The following DSG3 variants were observed in gnomAD, a reference collection of about 807,000 sequenced individuals.
The protein encoded by DSG3 is desmoglein 3.
Under a neutral mutation model 85.9 loss-of-function variants are expected in DSG3, and 63 were observed. The ratio of observed to expected loss-of-function variants is 0.73; its 90% confidence interval spans 0.60 to 0.90. The LOEUF (loss-of-function observed/expected upper bound fraction) is 0.90, where lower values mean the gene tolerates loss of function less well. Ranked by LOEUF, DSG3 falls within the 40% of genes least tolerant of loss-of-function variation. The probability of loss-of-function intolerance (pLI) is 0.00; values close to 1 mark genes in which losing one functional copy is unlikely to be tolerated. For synonymous variants in DSG3, 447 were observed against 441.9 expected, an observed-to-expected ratio of 1.01 and a Z score of -0.14; for missense variants, 1,220 against 1,219.9, an observed-to-expected ratio of 1.00 and a Z score of 0.00.
intron 15 of DSG3, 48 bp from the exon 16 acceptor site, chr18:31,475,598 C>T (rs2072881019): frequency 2.5e-6 from 4 of 1,583,022 alleles, no homozygotes; most frequent in Non-Finnish European, 3.4e-6. Flanking sequence ...TATTGTTCAA[C>T]TGACTCTTTC....
Position 31,477,799 on chromosome 18 carries a change from A to G in DSG3, c.*1539A>G, listed in dbSNP as rs1473453272. The G allele has an allele frequency of 1.3e-5, 2 of 152,216 alleles. No individual in the cohort carries two copies. The highest frequency in any genetic ancestry group is 2.4e-5 in the African/African-American group (1 of 41,452). The allele number at this position is 152,216 out of a possible 1,614,324, so 9.4% of individuals were successfully genotyped here. ...AGCACCCTACCTCACCTGCTTACTG[A>G]CATTGTCTTAGCTGATCACAAGATC... On this transcript the variant is annotated 3_prime_UTR_variant, in exon 16 of 16. Transcript: ENST00000257189.
intron 12 of DSG3, 136 bp from the exon 13 acceptor site, chr18:31,472,148 A>ATTTTGGT: frequency 8.3e-7 from 1 of 1,202,718 alleles, no homozygotes; most frequent in Non-Finnish European, 1.2e-6. Flanking sequence ...GTAGAAACTA[A>ATTTTGGT]TTTTGGTTTT....
At chr18:31,458,630 C>T (rs766702592) in intron 4 of DSG3, 30 bp downstream of exon 4, 9 of 1,599,072 alleles carry the variant, frequency 5.6e-6, no homozygotes, top group Non-Finnish European at 6.8e-6. Flanking sequence ...ATTGGGCTAC[C>T]CTTCTCCTTG....
rs139792146 is a variant in DSG3, at chr18:31,461,955, A to G, written c.999+543A>G. Among the ~76,000 whole-genome samples the G allele has an allele frequency of 1.2e-3, 184 of 152,368 alleles. 1 individual carries two copies. The highest frequency in any genetic ancestry group is 4.3e-3 in the African/African-American group (178 of 41,580). ...AGCTTTTAATATGCTTGGCTATGACAGACTCCTTATCTGAGAGTGTGATCT... is the reference window on the plus strand; with the variant it reads ...AGCTTTTAATATGCTTGGCTATGACGGACTCCTTATCTGAGAGTGTGATCT... On this transcript the variant is annotated intron_variant, in intron 8 of 15. Coordinates refer to ENST00000257189, the MANE Select transcript of DSG3 (RefSeq NM_001944.3).
intron 11 of DSG3, among the ~76,000 whole-genome samples, chr18:31,467,424 C>G (rs958402320): frequency 6.6e-6 from 1 of 152,168 alleles, no homozygotes; most frequent in Admixed American, 6.5e-5. Flanking sequence ...TCTGATGGAG[C>G]AGTCTATGAG....
At chr18:31,475,582 G>GTAT (rs2144249484) in intron 15 of DSG3, 64 bp from the exon 16 acceptor site, 1 of 1,557,836 alleles carries the variant, frequency 6.4e-7, no homozygotes, top group Admixed American at 1.8e-5. Flanking sequence ...TCTACAAACA[G>GTAT]TATTATATTG....
intron 8 of DSG3, among the ~76,000 whole-genome samples, chr18:31,463,607 T>C (rs749064621): frequency 6.6e-5 from 10 of 152,302 alleles, no homozygotes; most frequent in South Asian, 2.1e-4. Context: ...TCAGGAAAGA[T>C]ACCATTGTAC....
intron 1 of DSG3, among the ~76,000 whole-genome samples, chr18:31,453,337 C>T (rs1318764075): frequency 6.6e-6 from 1 of 152,140 alleles, no homozygotes; most frequent in Non-Finnish European, 1.5e-5. Context: ...GATGAGCTAC[C>T]TGCATCTAAT....
chr18:31,476,156 A>G lies in DSG3; in HGVS notation c.2896A>G (p.Ile966Val). ...TQNVIVTERVICPISSVPGNL... is the reference protein window; with the variant it reads ...TQNVIVTERVVCPISSVPGNL... ...AAATGTGATAGTGACAGAAAGGGTG[A>G]TCTGTCCCATTTCCAGTGTTCCTGG... Residue 966 changes from isoleucine to valine, a missense_variant, in exon 16 of 16, where the codon ATC becomes GTC. Transcript: ENST00000257189. The G allele has an allele frequency of 6.2e-7, 1 of 1,614,192 alleles. No homozygotes were observed. The highest frequency in any genetic ancestry group is 8.5e-7 in the Non-Finnish European group (1 of 1,180,042).
chr18:31,455,397 C>T (rs1409681437), intron 1 of DSG3, among the ~76,000 whole-genome samples: 1 of 148,828 alleles, frequency 6.7e-6, no homozygotes, highest in Non-Finnish European at 1.5e-5. Flanking sequence ...GTGAGGGTTA[C>T]AAGAAAAAAA....
In DSG3 at chr18:31,469,093, C is replaced by T. The variant is rs999641112; in HGVS notation, c.1641C>T (p.Thr547=). 6.2e-7 allele frequency: 1 copy of T among 1,613,078 alleles called. No homozygotes were observed. The highest frequency in any genetic ancestry group is 8.5e-7 in the Non-Finnish European group (1 of 1,179,064). The change falls in exon 12 of 16, where the codon ACC becomes ACT. Residue 547 remains threonine (T), a synonymous_variant. Transcript: ENST00000257189. ...AVWSITTLNA[T]SALLRAQEQI... is the part of the protein sequence containing the mutation. Reference sequence around the variant, plus strand: ...TGCATGATTCTTTCTCTACAGCTACCTCGGCCCTCCTCAGAGCCCAGGAAC... The same window carrying T: ...TGCATGATTCTTTCTCTACAGCTACTTCGGCCCTCCTCAGAGCCCAGGAAC...
intron 12 of DSG3, among the ~76,000 whole-genome samples, chr18:31,470,747 A>C (rs1335332820): frequency 6.6e-6 from 1 of 152,218 alleles, no homozygotes; most frequent in East Asian, 1.9e-4. Context: ...AATGATTAGG[A>C]TATAATCAGT....
chr18:31,461,528 A>C, intron 8 of DSG3, 116 bp downstream of exon 8: 2 of 1,019,126 alleles, frequency 2.0e-6, no homozygotes, highest in Non-Finnish European at 2.8e-6. Context: ...AAACACATAA[A>C]AGTAGATTGA....
chr18:31,470,703 C>T (rs2072850246), intron 12 of DSG3, among the ~76,000 whole-genome samples: 1 of 151,942 alleles, frequency 6.6e-6, no homozygotes, highest in African/African-American at 2.4e-5. Context: ...GAACATTTCA[C>T]GGAATAGAGG....
In DSG3 at chr18:31,474,336, G is replaced by A; in HGVS notation, c.2317G>A (p.Gly773Arg). 5 of 1,614,186 alleles carry A rather than the reference G, an allele frequency of 3.1e-6. No individual in the cohort carries two copies. The highest frequency in any genetic ancestry group is 2.5e-6 in the Non-Finnish European group (3 of 1,180,032). The change falls in exon 15 of 16, where the codon GGA becomes AGA. Residue 773 changes from glycine (G) to arginine (R), a missense_variant. By Grantham distance (125) the Gly-to-Arg change is moderately radical. Coordinates refer to ENST00000257189, the MANE Select transcript of DSG3 (RefSeq NM_001944.3). ...SGTMRTRHST[G>R]GTNKDYADGA... ...AACCATGAGAACAAGGCATTCCACTGGAGGAACCAATAAGGACTACGCTGA... is the reference window on the plus strand; with the variant it reads ...AACCATGAGAACAAGGCATTCCACTAGAGGAACCAATAAGGACTACGCTGA...
intron 8 of DSG3, 146 bp downstream of exon 8, chr18:31,461,558 G>T: frequency 1.3e-6 from 1 of 779,178 alleles, no homozygotes; most frequent in Non-Finnish European, 2.0e-6. Flanking sequence ...AATCCCCATA[G>T]AGCCGCTTTA....
rs377026548 is a variant in DSG3, at chr18:31,466,609, C to T, written c.1491C>T (p.Leu497=). ...DFNDNCPTAV[L]EKDAVCSSSP... Reference sequence around the variant, plus strand: ...ATGACAATTGTCCAACAGCTGTCCTCGAAAAAGATGCAGTTTGCAGTTCTT... The same window carrying T: ...ATGACAATTGTCCAACAGCTGTCCTTGAAAAAGATGCAGTTTGCAGTTCTT... Residue 497 remains leucine (L), a synonymous_variant, in exon 11 of 16, where the codon CTC becomes CTT. Coordinates refer to ENST00000257189, the MANE Select transcript of DSG3 (RefSeq NM_001944.3). 77 of 1,614,074 alleles carry T rather than the reference C, an allele frequency of 4.8e-5. No individual in the cohort carries two copies. Among genetic ancestry groups the T allele is most frequent in the East Asian group, 2.2e-4 (10 of 44,888 alleles).
intron 1 of DSG3, among the ~76,000 whole-genome samples, chr18:31,454,029 A>G (rs1207316884): frequency 6.6e-6 from 1 of 152,224 alleles, no homozygotes; most frequent in Non-Finnish European, 1.5e-5. Flanking sequence ...ATTAACTAAA[A>G]TAATTTTTTT....
In DSG3 at chr18:31,465,333, T is replaced by G; in HGVS notation, c.1287T>G (p.Arg429=). The G allele has an allele frequency of 6.8e-7, 1 of 1,480,216 alleles. No homozygotes were observed. The highest frequency in any genetic ancestry group is 9.0e-7 in the Non-Finnish European group (1 of 1,112,118). 91.7% of individuals were successfully genotyped at this position (1,480,216 alleles called of 1,614,324 possible). The change falls in exon 10 of 16, where the codon CGT becomes CGG. Residue 429 remains arginine, a synonymous_variant. Coordinates refer to ENST00000257189, the MANE Select transcript of DSG3 (RefSeq NM_001944.3). ...AASNVKYVMG[R]NDGGYLMIDS... ...TATGAAACAGATATGTCATGGGACG[T>G]AACGATGGTGGATACCTAATGATTG...
Sources: gnomAD v4.1 joint callset for allele counts (sites outside exome capture counted in the v4.1 genomes callset) on GRCh38, gnomAD v4.1.1 for gene constraint, MANE v1.5 for transcripts, NCBI Gene and HGNC (gene_info 2026-07-23, HGNC 2026-07-21) for gene names.